The following DSG1 variants were observed in gnomAD, a reference collection of about 807,000 sequenced individuals.
The protein encoded by DSG1 is desmoglein-1.
DSG1 carries 39 observed loss-of-function variants against 97.5 expected under a neutral mutation model. The observed-to-expected ratio is 0.40, with a 90% CI of 0.31 to 0.52. DSG1 has a LOEUF of 0.52. DSG1 is among the 20% of genes least tolerant of loss of function. DSG1 has a pLI of 0.53. For synonymous variants in DSG1, 475 were observed against 443.4 expected, an observed-to-expected ratio of 1.07 and a Z score of -0.90; for missense variants, 1,311 against 1,295.4, an observed-to-expected ratio of 1.01 and a Z score of -0.18.
intron 14 of DSG1, among the ~76,000 whole-genome samples, chr18:31,348,153 A>G (rs1279785308): frequency 8.2e-6 from 1 of 121,366 alleles, no homozygotes; most frequent in Admixed American, 1.1e-4. Flanking sequence ...AGAGTGTGAT[A>G]TTCCCCTTCC....
intron 1 of DSG1, among the ~76,000 whole-genome samples, chr18:31,319,406 T>G (rs2071640114): frequency 6.6e-6 from 1 of 152,166 alleles, no homozygotes; most frequent in Non-Finnish European, 1.5e-5. Context: ...TAGTTTGAAT[T>G]CAGTTTTATT....
chr18:31,343,515 C>A lies in DSG1; in HGVS notation c.1753C>A (p.Pro585Thr), dbSNP rs1258302743. 2 of 1,614,136 alleles carry A rather than the reference C, an allele frequency of 1.2e-6. No individual in the cohort carries two copies. The highest frequency in any genetic ancestry group is 8.5e-7 in the Non-Finnish European group (1 of 1,180,032). ...TCCTCGTAGTGCAGCTGGCTTTGAG[C>A]CTGTTCCCGAATGTTCAGATGGAGC... ...GAPRSAAGFEPVPECSDGAIH... is the reference protein window; with the variant it reads ...GAPRSAAGFETVPECSDGAIH... The change falls in exon 12 of 15, where the codon CCT (proline) becomes ACT (threonine). Residue 585 changes from proline to threonine, a missense_variant. Pro to Thr is a conservative substitution (Grantham distance 38, BLOSUM62 -1). Transcript: ENST00000257192.
At chr18:31,320,999 G>A (rs2071649934) in intron 1 of DSG1, among the ~76,000 whole-genome samples, 1 of 152,016 alleles carries the variant, frequency 6.6e-6, no homozygotes, top group Non-Finnish European at 1.5e-5. Context: ...AAAGAACAGA[G>A]AAAATGACTT....
In DSG1 at chr18:31,356,287, G is replaced by A. The variant is rs1156993902; in HGVS notation, c.*941G>A. On this transcript the variant is annotated 3_prime_UTR_variant, in exon 15 of 15. Transcript: ENST00000257192. ...AGATGGGAACTGAATTGTGTTTTCAGGTTTTGTTTTTAGTAGGTGATATTC... is the reference window on the plus strand; with the variant it reads ...AGATGGGAACTGAATTGTGTTTTCAAGTTTTGTTTTTAGTAGGTGATATTC... 3 of 152,090 alleles carry A rather than the reference G, an allele frequency of 2.0e-5. No individual in the cohort carries two copies. Among genetic ancestry groups the A allele is most frequent in the Non-Finnish European group, 2.9e-5 (2 of 68,016 alleles). The allele number at this position is 152,090 out of a possible 1,614,324, so 9.4% of individuals were successfully genotyped here.
intron 1 of DSG1, among the ~76,000 whole-genome samples, chr18:31,319,026 C>T (rs1019489613): frequency 5.3e-5 from 8 of 152,214 alleles, no homozygotes; most frequent in East Asian, 1.9e-4. Flanking sequence ...TTATTACACT[C>T]GATCTTACTA....
Position 31,338,442 on chromosome 18 carries a change from C to T in DSG1, c.1393C>T (p.Leu465Phe), listed in dbSNP as rs911073955. The T allele has an allele frequency of 1.1e-5, 18 of 1,613,258 alleles. No homozygotes were observed. The highest frequency in any genetic ancestry group is 1.4e-5 in the Non-Finnish European group (17 of 1,179,374). The change falls in exon 10 of 15, where the codon CTC (leucine) becomes TTC (phenylalanine). Residue 465 changes from leucine to phenylalanine, a missense_variant. Transcript: ENST00000257192. ...CGGAGGAAAATACCAAGGAACGATT[C>T]TCTCTATAGATGGTAAGAAATTAAT... Reference protein sequence around the residue: ...MLGGKYQGTILSIDDNLQRTC... With the variant: ...MLGGKYQGTIFSIDDNLQRTC...
At chr18:31,332,078 T>C (rs1339251346) in intron 6 of DSG1, among the ~76,000 whole-genome samples, 1 of 152,110 alleles carries the variant, frequency 6.6e-6, no homozygotes, top group Non-Finnish European at 1.5e-5. Flanking sequence ...TATAATTAAT[T>C]GATTAAAATT....
At chr18:31,347,182 G>A (rs1256983638) in intron 14 of DSG1, among the ~76,000 whole-genome samples, 1 of 152,152 alleles carries the variant, frequency 6.6e-6, no homozygotes. Flanking sequence ...TAAAATATTG[G>A]TAAAAGCATT....
chr18:31,331,813 T>A lies in DSG1; in HGVS notation c.630T>A (p.Ile210=), dbSNP rs1568041555. Residue 210 remains isoleucine (I), a synonymous_variant, in exon 6 of 15, where the codon ATT becomes ATA. Transcript: ENST00000257192. ...RQEPSDSPMF[I]INRNTGEIRT... is the part of the protein sequence containing the mutation. ...AACCTTCAGATTCACCAATGTTTATTATCAACAGAAATACTGGAGAAATTC... is the reference window on the plus strand; with the variant it reads ...AACCTTCAGATTCACCAATGTTTATAATCAACAGAAATACTGGAGAAATTC... 1 of 1,612,834 alleles carries A rather than the reference T, an allele frequency of 6.2e-7. No individual in the cohort carries two copies. The highest frequency in any genetic ancestry group is 1.3e-5 in the African/African-American group (1 of 74,982).
chr18:31,346,010 G>T lies in DSG1; in HGVS notation c.1912G>T (p.Gly638Cys). Residue 638 changes from glycine to cysteine, a missense_variant, in exon 14 of 15, where the codon GGT becomes TGT. Coordinates refer to ENST00000257192, the MANE Select transcript of DSG1 (RefSeq NM_001942.4). ...DNSGVYTNEY[G>C]GREMQDLGGG... Reference sequence around the variant, plus strand: ...TTTAGGAGTTTATACAAATGAGTATGGTGGCAGAGAAATGCAAGATCTGGG... The same window carrying T: ...TTTAGGAGTTTATACAAATGAGTATTGTGGCAGAGAAATGCAAGATCTGGG... 1 of 1,613,618 alleles carries T rather than the reference G, an allele frequency of 6.2e-7. No individual in the cohort carries two copies. The highest frequency in any genetic ancestry group is 8.5e-7 in the Non-Finnish European group (1 of 1,179,666).
Position 31,326,939 on chromosome 18 carries a change from A to G in DSG1, c.150A>G (p.Glu50=). 1.2e-6 allele frequency: 2 copies of G among 1,614,040 alleles called. No homozygotes were observed. Among genetic ancestry groups the G allele is most frequent in the Non-Finnish European group, 1.7e-6 (2 of 1,179,904 alleles). The change falls in exon 3 of 15, where the codon GAA becomes GAG. Residue 50 remains glutamate, a synonymous_variant. Coordinates refer to ENST00000257192, the MANE Select transcript of DSG1 (RefSeq NM_001942.4). ...KWHSIRRQKR[E]WIKFAAACRE... is the part of the protein sequence containing the mutation. ...ATTCAATCCGAAGGCAGAAACGTGA[A>G]TGGATCAAGTTCGCAGCAGCCTGTC...
chr18:31,354,447 C>A lies in DSG1; in HGVS notation c.2251C>A (p.Leu751Met), dbSNP rs202060380. The A allele has an allele frequency of 1.1e-4, 183 of 1,614,186 alleles. No homozygotes were observed. The East Asian group carries it at 3.8e-3, about 34-fold the overall frequency. The change falls in exon 15 of 15, where the codon CTG becomes ATG. Residue 751 changes from leucine to methionine, a missense_variant. Transcript: ENST00000257192. The part of the protein sequence containing the change: ...EDLDDSFLDT[L>M]GPKFKKLADI... ...CCTGGATGACAGCTTCTTGGATACC[C>A]TGGGACCTAAATTTAAGAAGTTGGC...
rs920369174 is a variant in DSG1 at position 31,357,678 on chromosome 18, T to G, written c.*2332T>G. Among the ~76,000 whole-genome samples the G allele has an allele frequency of 5.9e-5, 9 of 152,060 alleles. No individual in the cohort carries two copies. The East Asian group carries it at 1.7e-3, about 29-fold the overall frequency. On this transcript the variant is annotated 3_prime_UTR_variant, in exon 15 of 15. Transcript: ENST00000257192. ...TTACATCTGAACTCCTAAACACTGTTAAACGATGGGAAAAACAAGAAAAAA... is the reference window on the plus strand; with the variant it reads ...TTACATCTGAACTCCTAAACACTGTGAAACGATGGGAAAAACAAGAAAAAA...
Position 31,344,108 on chromosome 18 carries a change from T to C in DSG1, c.1891+113T>C. 7.4e-6 allele frequency: 6 copies of C among 807,718 alleles called. No homozygotes were observed. The South Asian group carries it at 1.0e-4, about 13-fold the overall frequency. The allele number at this position is 807,718 out of a possible 1,614,324, so 50.0% of individuals were successfully genotyped here. On this transcript the variant is annotated intron_variant, in intron 13 of 14. Transcript: ENST00000257192. ...TTTTTCTTCAAAAGTGTTTATATCA[T>C]TCTTTTTTAAATGACTAACTTGTAA...
chr18:31,330,590 A>T (rs1164686933), intron 5 of DSG1, among the ~76,000 whole-genome samples: 1 of 152,146 alleles, frequency 6.6e-6, no homozygotes, highest in African/African-American at 2.4e-5. Context: ...AATGCTCATT[A>T]AATTTATGTA....
chr18:31,342,609 G>A (rs1202627420), intron 11 of DSG1, among the ~76,000 whole-genome samples: 3 of 152,138 alleles, frequency 2.0e-5, no homozygotes, highest in Admixed American at 6.6e-5. Context: ...GCAAAAGACA[G>A]TGCTAAGCAG....
chr18:31,339,079 T>A (rs2071772492), intron 10 of DSG1, among the ~76,000 whole-genome samples: 1 of 152,070 alleles, frequency 6.6e-6, no homozygotes, highest in African/African-American at 2.4e-5. Context: ...TAATTCCACT[T>A]TCAATAATAT....
chr18:31,333,580 T>C lies in DSG1; in HGVS notation c.685-9T>C, dbSNP rs1429630098. The C allele has an allele frequency of 2.5e-6, 4 of 1,613,760 alleles. No homozygotes were observed. The highest frequency in any genetic ancestry group is 3.4e-6 in the Non-Finnish European group (4 of 1,179,712). ...CAAGTGTGATATTGCCTGTAATATGTATTTTTAGCAATACGGCCAGTATGC... is the reference window on the plus strand; with the variant it reads ...CAAGTGTGATATTGCCTGTAATATGCATTTTTAGCAATACGGCCAGTATGC... On this transcript the variant is annotated splice_polypyrimidine_tract_variant and intron_variant, in intron 6 of 14. Transcript: ENST00000257192.
intron 11 of DSG1, 77 bp from the exon 12 acceptor site, chr18:31,343,373 A>C: frequency 6.3e-7 from 1 of 1,584,080 alleles, no homozygotes; most frequent in Non-Finnish European, 8.7e-7. Context: ...TTCAAATTTA[A>C]CCATAAAAAA....
Sources: gnomAD v4.1 joint callset for allele counts (sites outside exome capture counted in the v4.1 genomes callset) on GRCh38, gnomAD v4.1.1 for gene constraint, MANE v1.5 for transcripts, NCBI Gene and HGNC (gene_info 2026-07-23, HGNC 2026-07-21) for gene names.